The following GCNT2 variants were observed in gnomAD, a reference collection of about 807,000 sequenced individuals.
GCNT2 encodes the protein N-acetyllactosaminide beta-1,6-N-acetylglucosaminyl-transferase.
GCNT2 carries 34 observed loss-of-function variants against 34.2 expected under a neutral mutation model. The ratio of observed to expected loss-of-function variants is 1.00; its 90% CI spans 0.76 to 1.32. The LOEUF (loss-of-function observed/expected upper bound fraction) is 1.32, where lower values mean the gene tolerates loss of function less well. GCNT2 is among the 40% of genes most tolerant of loss of function. GCNT2 has a pLI of 0.00. For missense variants in GCNT2, 584 were observed against 489.4 expected (o/e 1.19, Z -1.82); for synonymous variants, 212 against 188.0 (o/e 1.13, Z -1.04).
chr6:10,565,580 T>C (rs1157785649), intron 3 of GCNT2, among the ~76,000 whole-genome samples: 2 of 152,196 alleles, frequency 1.3e-5, no homozygotes, highest in East Asian at 1.9e-4. Context: ...CTATAAAATC[T>C]CCAGCAAGGC....
intron 3 of GCNT2, chr6:10,574,795 C>G (rs1404420801): frequency 6.5e-6 from 4 of 610,708 alleles, no homozygotes; most frequent in Admixed American, 6.2e-5. Context: ...AGCCTCCTTC[C>G]CACTGGCTCT....
At chr6:10,602,672 T>C (rs1461437730) in intron 3 of GCNT2, among the ~76,000 whole-genome samples, 2 of 152,220 alleles carry the variant, frequency 1.3e-5, no homozygotes, top group African/African-American at 4.8e-5. Context: ...GAGTCGTAAG[T>C]GAGCATAATT....
intron 3 of GCNT2, among the ~76,000 whole-genome samples, chr6:10,590,540 A>G (rs528613752): frequency 6.8e-6 from 1 of 146,928 alleles, no homozygotes; most frequent in East Asian, 2.0e-4. Flanking sequence ...TTGGCCCCAC[A>G]CTTCTGCAAT....
chr6:10,529,972 C>T lies in GCNT2; in HGVS notation c.925+136C>T, dbSNP rs138470387. ...AAATGTCAAATTAAAAAAAAAATTT[C>T]ATCTGTAAAATGGTAAAATGGAGAT... On this transcript the variant is annotated intron_variant, in intron 3 of 4. Coordinates refer to ENST00000495262, the MANE Select transcript of GCNT2 (RefSeq NM_145649.5). The T allele has an allele frequency of 2.5e-3, 1,877 of 747,098 alleles. 28 individuals carry two copies. In the African/African-American group the frequency reaches 0.029, roughly 12 times the overall value. 46.3% of individuals were successfully genotyped at this position (747,098 alleles called of 1,614,324 possible).
At chr6:10,604,279 A>G (rs1765217129) in intron 3 of GCNT2, among the ~76,000 whole-genome samples, 1 of 152,100 alleles carries the variant, frequency 6.6e-6, no homozygotes, top group African/African-American at 2.4e-5. Flanking sequence ...TTGTACTTTA[A>G]TGTATTATTT....
At chr6:10,620,304 A>G (rs902174389) in intron 3 of GCNT2, among the ~76,000 whole-genome samples, 7 of 152,252 alleles carry the variant, frequency 4.6e-5, no homozygotes, top group African/African-American at 1.7e-4. Flanking sequence ...ATCAAAATTC[A>G]GATTGCATTA....
At chr6:10,566,032 T>C (rs1174983451) in intron 3 of GCNT2, among the ~76,000 whole-genome samples, 2 of 152,142 alleles carry the variant, frequency 1.3e-5, no homozygotes, top group East Asian at 1.9e-4. Context: ...CCTTGGCCTT[T>C]CCAGTGACTT....
rs532701917 is a variant in GCNT2, at chr6:10,583,321, A to C, written c.926-38030A>C. ...GGGCAGGGAAATGGCTGCATTGTGA[A>C]TCAAATGTTTTCCTAACAGGAGCAG... On this transcript the variant is annotated intron_variant, in intron 3 of 4. Transcript: ENST00000495262. Among the ~76,000 whole-genome samples, 6 of 152,204 alleles carry C rather than the reference A, an allele frequency of 3.9e-5. No individual in the cohort carries two copies. In the East Asian group the frequency reaches 1.2e-3, roughly 29 times the overall value.
chr6:10,585,021 T>G (rs2127411504), intron 3 of GCNT2, among the ~76,000 whole-genome samples: 1 of 149,494 alleles, frequency 6.7e-6, no homozygotes. Context: ...TTGTTCCCTC[T>G]TCCCATAGTC....
Position 10,604,930 on chromosome 6 carries a change from A to T in GCNT2, c.926-16421A>T, listed in dbSNP as rs1253944306. Among the ~76,000 whole-genome samples the T allele has an allele frequency of 2.0e-5, 3 of 151,990 alleles. No individual in the cohort carries two copies. The South Asian group carries it at 6.2e-4, about 32-fold the overall frequency. ...AAAAGATGTTCAATAAAAGACTTCT[A>T]TGAAGAACAGGTATTCCTAGCCCAG... On this transcript the variant is annotated intron_variant, in intron 3 of 4. Coordinates refer to ENST00000495262, the MANE Select transcript of GCNT2 (RefSeq NM_145649.5).
Position 10,587,218 on chromosome 6 carries a change from C to T in GCNT2, c.926-34133C>T, listed in dbSNP as rs190625147. Among the ~76,000 whole-genome samples the T allele has an allele frequency of 1.9e-4, 29 of 152,280 alleles. No individual in the cohort carries two copies. The East Asian group carries it at 3.9e-3, about 20-fold the overall frequency. On this transcript the variant is annotated intron_variant, in intron 3 of 4. Coordinates refer to ENST00000495262, the MANE Select transcript of GCNT2 (RefSeq NM_145649.5). ...CCTTGATAAACACAGCTGTAACAAA[C>T]AAAATTGACTTTTAAAATAAGCATT...
chr6:10,603,966 G>T (rs1941306385), intron 3 of GCNT2, among the ~76,000 whole-genome samples: 1 of 151,506 alleles, frequency 6.6e-6, no homozygotes, highest in Non-Finnish European at 1.5e-5. Context: ...TGCAATCTTG[G>T]CTCACTGCAA....
At chr6:10,534,415 C>T (rs879397382) in intron 3 of GCNT2, among the ~76,000 whole-genome samples, 1 of 152,044 alleles carries the variant, frequency 6.6e-6, no homozygotes, top group Non-Finnish European at 1.5e-5. Context: ...GGATTACAGG[C>T]GTGAGCCACT....
intron 3 of GCNT2, among the ~76,000 whole-genome samples, chr6:10,577,086 TAAATG>T (rs1763854025): frequency 1.3e-5 from 2 of 152,076 alleles, no homozygotes; most frequent in Non-Finnish European, 2.9e-5. Context: ...TTTAAAAAAT[TAAATG>T]AAAATGAAAA....
At chr6:10,616,763 G>GT (rs1321613308) in intron 3 of GCNT2, among the ~76,000 whole-genome samples, 3 of 151,886 alleles carry the variant, frequency 2.0e-5, no homozygotes, top group Non-Finnish European at 2.9e-5. Flanking sequence ...GCTGATTGCT[G>GT]TATTTACAAT....
At chr6:10,567,675 TCTTA>T (rs957456855) in intron 3 of GCNT2, among the ~76,000 whole-genome samples, 15 of 152,340 alleles carry the variant, frequency 9.8e-5, no homozygotes, top group African/African-American at 2.9e-4. Context: ...ATTGATCTCT[TCTTA>T]CTTCTAATCC....
chr6:10,564,197 G>T (rs1200091262), intron 3 of GCNT2, among the ~76,000 whole-genome samples: 1 of 152,136 alleles, frequency 6.6e-6, no homozygotes, highest in African/African-American at 2.4e-5. Context: ...ATCCCATCCA[G>T]TGGGTACTTA....
At chr6:10,554,789 A>G (rs1006138152) in intron 3 of GCNT2, among the ~76,000 whole-genome samples, 1 of 152,190 alleles carries the variant, frequency 6.6e-6, no homozygotes, top group South Asian at 2.1e-4. Flanking sequence ...ATTGTTTTCT[A>G]CTTGACCTAA....
rs953922983 is a variant in GCNT2 at position 10,626,855 on chromosome 6, A to C, written c.*248A>C. On this transcript the variant is annotated 3_prime_UTR_variant, in exon 5 of 5. Coordinates refer to ENST00000495262, the MANE Select transcript of GCNT2 (RefSeq NM_145649.5). ...TTGCTGTTTCTTGATGCTCACCTCT[A>C]TATTAGTTTATTGTTAGGATCAATG... The C allele has an allele frequency of 2.0e-6, 1 of 504,244 alleles. No individual in the cohort carries two copies. The highest frequency in any genetic ancestry group is 3.6e-6 in the Non-Finnish European group (1 of 278,640). The allele number at this position is 504,244 out of a possible 1,614,324, so 31.2% of individuals were successfully genotyped here.
Sources: allele counts gnomAD v4.1 joint callset (sites outside exome capture counted in the v4.1 genomes callset), GRCh38; gene constraint gnomAD v4.1.1; transcripts MANE v1.5; gene names NCBI Gene and HGNC (gene_info 2026-07-23, HGNC 2026-07-21).